The following ATOH8 variants were observed in gnomAD, a reference collection of about 807,000 sequenced individuals.
ATOH8 encodes atonal bHLH transcription factor 8.
In ATOH8, 9 loss-of-function variants were observed where a neutral mutation model predicts 21.2. The observed-to-expected ratio is 0.42, with a 90% confidence interval of 0.26 to 0.74. ATOH8 has a LOEUF of 0.74. ATOH8 is among the 30% of genes least tolerant of loss of function. The probability of loss-of-function intolerance (pLI) is 0.24; values close to 1 mark genes in which losing one functional copy is unlikely to be tolerated. For synonymous variants in ATOH8, 253 were observed against 224.0 expected, an observed-to-expected ratio of 1.13 and a Z score of -1.16; for missense variants, 524 against 470.9, an observed-to-expected ratio of 1.11 and a Z score of -1.04.
In ATOH8 at chr2:85,787,012, C is replaced by T. The variant is rs1680637311; in HGVS notation, c.*122C>T. On this transcript the variant is annotated 3_prime_UTR_variant, in exon 3 of 3. Transcript: ENST00000306279. ...TCCAAGATGCCGCCAGATGCCCAGC[C>T]TACAGCCTCTCAGGGTCGGATCGGA... 1 of 1,334,596 alleles carries T rather than the reference C, an allele frequency of 7.5e-7. No homozygotes were observed. Among genetic ancestry groups the T allele is most frequent in the African/African-American group, 1.4e-5 (1 of 69,006 alleles). 82.7% of individuals were successfully genotyped at this position (1,334,596 alleles called of 1,614,324 possible).
In ATOH8 at chr2:85,787,032, A is replaced by T; in HGVS notation, c.*142A>T. 9.0e-7 allele frequency: 1 copy of T among 1,110,456 alleles called. No individual in the cohort carries two copies. Among genetic ancestry groups the T allele is most frequent in the Non-Finnish European group, 1.3e-6 (1 of 764,660 alleles). The allele number at this position is 1,110,456 out of a possible 1,614,324, so 68.8% of individuals were successfully genotyped here. ...CCAGCCTACAGCCTCTCAGGGTCGG[A>T]TCGGAGCACGCCTGCCTCCCTCTCC... On this transcript the variant is annotated 3_prime_UTR_variant, in exon 3 of 3. Coordinates refer to ENST00000306279, the MANE Select transcript of ATOH8 (RefSeq NM_032827.7).
intron 1 of ATOH8, among the ~76,000 whole-genome samples, chr2:85,762,981 C>T (rs1461682862): frequency 2.6e-5 from 4 of 152,124 alleles, no homozygotes; most frequent in Non-Finnish European, 5.9e-5. Context: ...CGTGCCGTCC[C>T]ACCCCCTGTG....
At chr2:85,783,899 C>G (rs1394306341) in intron 2 of ATOH8, among the ~76,000 whole-genome samples, 2 of 152,026 alleles carry the variant, frequency 1.3e-5, no homozygotes, top group African/African-American at 2.4e-5. Context: ...TCATTGGCAT[C>G]TTTGTCTTCT....
chr2:85,769,383 C>T (rs559498979), intron 2 of ATOH8, among the ~76,000 whole-genome samples: 1 of 152,128 alleles, frequency 6.6e-6, no homozygotes, highest in Non-Finnish European at 1.5e-5. Context: ...CAAGCTAGAC[C>T]CCCCCGGGTG....
intron 2 of ATOH8, among the ~76,000 whole-genome samples, chr2:85,782,919 C>T (rs570195867): frequency 6.6e-6 from 1 of 152,342 alleles, no homozygotes; most frequent in South Asian, 2.1e-4. Context: ...TGGTCTCGAA[C>T]TCCTGACCTC....
intron 2 of ATOH8, chr2:85,774,700 C>A: frequency 3.0e-6 from 3 of 985,460 alleles, no homozygotes; most frequent in Non-Finnish European, 3.6e-6. Context: ...CCCTACAGGC[C>A]AAGGGATGAG....
At chr2:85,774,801 A>G in intron 2 of ATOH8, 4 of 983,096 alleles carry the variant, frequency 4.1e-6, no homozygotes, top group Non-Finnish European at 4.8e-6. Flanking sequence ...CCAGCAGCAC[A>G]GAACTCCTTG....
chr2:85,769,100 C>T (rs1252309093), intron 2 of ATOH8, among the ~76,000 whole-genome samples: 1 of 152,232 alleles, frequency 6.6e-6, no homozygotes, highest in East Asian at 1.9e-4. Flanking sequence ...TGTTCTTCCA[C>T]ACCTGGGCTG....
chr2:85,758,825 C>T (rs556665870), intron 1 of ATOH8, among the ~76,000 whole-genome samples: 10 of 152,302 alleles, frequency 6.6e-5, no homozygotes, highest in Non-Finnish European at 1.5e-4. Context: ...GGCCTGGCCC[C>T]GGGAGTGGGG....
chr2:85,770,765 C>T (rs1680160998), intron 2 of ATOH8, among the ~76,000 whole-genome samples: 1 of 152,118 alleles, frequency 6.6e-6, no homozygotes, highest in Admixed American at 6.5e-5. Flanking sequence ...GCCGCTTCCT[C>T]CCTCTTTTCA....
At chr2:85,778,311 T>C (rs7590332) in intron 2 of ATOH8, among the ~76,000 whole-genome samples, 5 of 151,874 alleles carry the variant, frequency 3.3e-5, no homozygotes, top group African/African-American at 4.8e-5. Context: ...CGTGTGTGTG[T>C]GTGTGCGCGC....
At chr2:85,767,580 T>TCCCCTTCCCTCCCCTCCCCTCCCCTCC (rs1680052547) in intron 2 of ATOH8, among the ~76,000 whole-genome samples, 7 of 79,284 alleles carry the variant, frequency 8.8e-5, no homozygotes, top group Non-Finnish European at 1.2e-4. Context: ...CCCTCCCCTC[T>TCCCCTTCCCTCCCCTCCCCTCCCCTCC]CCTTCCCTTC....
At chr2:85,783,281 C>T (rs573954846) in intron 2 of ATOH8, among the ~76,000 whole-genome samples, 162 of 152,274 alleles carry the variant, frequency 1.1e-3, no homozygotes, top group African/African-American at 3.6e-3. Context: ...GTTTAAAGGA[C>T]ATCTTCGGAT....
rs1679628479 is a variant in ATOH8, at chr2:85,754,748, C to A, written c.559C>A (p.Pro187Thr). 2 of 1,612,838 alleles carry A rather than the reference C, an allele frequency of 1.2e-6. No homozygotes were observed. The highest frequency in any genetic ancestry group is 1.7e-6 in the Non-Finnish European group (2 of 1,179,818). Residue 187 changes from proline to threonine, a missense_variant, in exon 1 of 3, where the codon CCC (proline) becomes ACC (threonine). Transcript: ENST00000306279. ...STVRPAPPTR[P>T]GESSYSSISH... ...TGTGCGCCCTGCGCCCCCGACGCGC[C>A]CCGGGGAAAGTTCCTACTCGTCAAT...
At chr2:85,763,910 T>C in intron 1 of ATOH8, 81 bp from the exon 2 acceptor site, 1 of 1,365,600 alleles carries the variant, frequency 7.3e-7, no homozygotes, top group Middle Eastern at 1.8e-4. Flanking sequence ...GGCTCAGATA[T>C]ACCATAGACA....
intron 2 of ATOH8, among the ~76,000 whole-genome samples, chr2:85,764,396 C>G (rs1191831370): frequency 2.6e-5 from 4 of 152,166 alleles, no homozygotes; most frequent in African/African-American, 9.7e-5. Context: ...TGGGTGACCT[C>G]GAACAGTCAC....
At chr2:85,760,362 G>A (rs974859150) in intron 1 of ATOH8, among the ~76,000 whole-genome samples, 2 of 151,980 alleles carry the variant, frequency 1.3e-5, no homozygotes, top group African/African-American at 4.8e-5. Flanking sequence ...TAGGCGGTGC[G>A]GGTGGGTGGG....
In ATOH8 at chr2:85,766,563, C is replaced by G. The variant is rs565189006; in HGVS notation, c.960+2381C>G. On this transcript the variant is annotated intron_variant, in intron 2 of 2. Transcript: ENST00000306279. This position sits in a 1 kb window ranked among gnomAD's most constrained non-coding sequence, Gnocchi z 4.0. The stretch of plus-strand genomic sequence containing the variant: ...TGGCCCTGCGTCTCCCCATGGGGGC[C>G]GGTGTTCATAATTCCAGCCCTTCCC... Among the ~76,000 whole-genome samples, 1 of 152,292 alleles carries G rather than the reference C, an allele frequency of 6.6e-6. No homozygotes were observed. The highest frequency in any genetic ancestry group is 1.5e-5 in the Non-Finnish European group (1 of 68,024).
rs756397451 is a variant in ATOH8, at chr2:85,766,866, G to A, written c.960+2684G>A. 2.0e-5 allele frequency among the ~76,000 whole-genome samples: 3 copies of A among 152,174 alleles called. No homozygotes were observed. The highest frequency in any genetic ancestry group is 6.5e-5 in the Admixed American group (1 of 15,278). ...GCTCACACTGTTCCCCTCTTTATCC[G>A]CTCTCTTGGTGGGGATGTGTGGCCC... On this transcript the variant is annotated intron_variant, in intron 2 of 2. Coordinates refer to ENST00000306279, the MANE Select transcript of ATOH8 (RefSeq NM_032827.7). The surrounding 1 kb of genome is among the most constrained non-coding windows in gnomAD (Gnocchi z 4.0).
Sources: allele counts gnomAD v4.1 joint callset (sites outside exome capture counted in the v4.1 genomes callset), GRCh38; gene constraint gnomAD v4.1.1; non-coding constraint Gnocchi (gnomAD v3.1); transcripts MANE v1.5; gene names NCBI Gene and HGNC (gene_info 2026-07-23, HGNC 2026-07-21).